ADAMTS12: variants seen among roughly 807,000 people sequenced by gnomAD.
The protein encoded by ADAMTS12 is A disintegrin and metalloproteinase with thrombospondin motifs 12.
A neutral mutation model predicts 167.8 loss-of-function variants in ADAMTS12; 118 were observed. That is an observed-to-expected ratio of 0.70 (90% CI 0.61 to 0.82). The LOEUF is 0.82. Among genes scored for constraint, ADAMTS12 ranks in the 40% least tolerant of loss-of-function variants. The pLI is 0.00. For missense variants in ADAMTS12, 1,916 were observed against 1,998.8 expected (o/e 0.96, Z 0.79); for synonymous variants, 704 against 716.9 (o/e 0.98, Z 0.29).
chr5:33,576,621 A>G lies in ADAMTS12; in HGVS notation c.3405T>C (p.Pro1135=). The change falls in exon 19 of 24, where the codon CCT becomes CCC. Residue 1135 remains proline, a synonymous_variant. Transcript: ENST00000504830. ...AAAATGGAGTCACAGGCCAAGTGAT[A>G]GGGTTGCGGGAAGATGACAAGCCAG... ...SGSGLSSSRN[P]ITWPVTPFYN... 1 of 1,614,212 alleles carries G rather than the reference A, an allele frequency of 6.2e-7. No homozygotes were observed. Among genetic ancestry groups the G allele is most frequent in the East Asian group, 2.2e-5 (1 of 44,882 alleles).
intron 2 of ADAMTS12, among the ~76,000 whole-genome samples, chr5:33,838,771 C>T (rs1054990172): frequency 3.3e-5 from 5 of 151,806 alleles, no homozygotes; most frequent in Admixed American, 6.6e-5. Flanking sequence ...AGAAGAGGAC[C>T]TGGGGAGGGA....
rs748467452 is a variant in ADAMTS12, at chr5:33,539,010, C to T, written c.4447-4018G>A. 3.9e-5 allele frequency among the ~76,000 whole-genome samples: 6 copies of T among 152,104 alleles called. No individual in the cohort carries two copies. The South Asian group carries it at 8.3e-4, about 21-fold the overall frequency. On this transcript the variant is annotated intron_variant, in intron 22 of 23. Coordinates refer to ENST00000504830, the MANE Select transcript of ADAMTS12 (RefSeq NM_030955.4). The stretch of plus-strand genomic sequence containing the variant: ...AGGCTGGAGTGCAGTGGTACAATCT[C>T]GGCTCACTGCAACCTCCACCTCTTG...
chr5:33,577,185 C>T, intron 18 of ADAMTS12, 25 bp from the exon 19 acceptor site: 1 of 1,613,772 alleles, frequency 6.2e-7, no homozygotes, highest in Middle Eastern at 1.7e-4. Flanking sequence ...CAGCTGTTAG[C>T]CTGGCGAGAG....
intron 23 of ADAMTS12, among the ~76,000 whole-genome samples, chr5:33,531,749 C>G (rs1422696872): frequency 6.6e-6 from 1 of 152,184 alleles, no homozygotes; most frequent in East Asian, 1.9e-4. Context: ...TCAACCAAGC[C>G]TGGAATCCTC....
intron 3 of ADAMTS12, among the ~76,000 whole-genome samples, chr5:33,701,103 T>C (rs1418269779): frequency 6.6e-6 from 1 of 152,128 alleles, no homozygotes; most frequent in Non-Finnish European, 1.5e-5. Flanking sequence ...AAAAACAGCA[T>C]ATACAATATA....
chr5:33,627,870 G>C (rs1462261700), intron 13 of ADAMTS12, among the ~76,000 whole-genome samples: 1 of 152,128 alleles, frequency 6.6e-6, no homozygotes, highest in Non-Finnish European at 1.5e-5. Context: ...AAATGAGTGA[G>C]GAAGCTAACT....
intron 2 of ADAMTS12, among the ~76,000 whole-genome samples, chr5:33,785,151 T>C (rs1746282090): frequency 6.6e-6 from 1 of 152,022 alleles, no homozygotes; most frequent in Non-Finnish European, 1.5e-5. Flanking sequence ...ACCTTTCTCA[T>C]ACCACTCCCA....
In ADAMTS12 at chr5:33,648,977, G is replaced by A. The variant is rs774085686; in HGVS notation, c.1335-11C>T. ...AACCCCCAGCCTCGGCTGAAAACAA[G>A]TTAACAGAAATGAGAGGAGTTGTTT... On this transcript the variant is annotated splice_polypyrimidine_tract_variant and intron_variant, in intron 8 of 23. Transcript: ENST00000504830. The A allele has an allele frequency of 4.0e-5, 64 of 1,612,910 alleles. No individual in the cohort carries two copies. The highest frequency in any genetic ancestry group is 5.3e-5 in the Non-Finnish European group (62 of 1,179,380).
intron 2 of ADAMTS12, among the ~76,000 whole-genome samples, chr5:33,810,145 A>G (rs1444738046): frequency 6.6e-6 from 1 of 152,172 alleles, no homozygotes; most frequent in Non-Finnish European, 1.5e-5. Context: ...TGGCCAAAAC[A>G]TAATGCATTT....
At chr5:33,785,704 TA>T (rs1241999590) in intron 2 of ADAMTS12, among the ~76,000 whole-genome samples, 4 of 152,202 alleles carry the variant, frequency 2.6e-5, no homozygotes, top group Non-Finnish European at 4.4e-5. Context: ...GAAACCCTTG[TA>T]TGTTGCTGTT....
chr5:33,602,140 G>A (rs993639892), intron 16 of ADAMTS12, among the ~76,000 whole-genome samples: 3 of 152,136 alleles, frequency 2.0e-5, no homozygotes, highest in Non-Finnish European at 2.9e-5. Flanking sequence ...AACCAACTGA[G>A]AAATTCCAGG....
chr5:33,690,275 A>G (rs779314471), intron 3 of ADAMTS12, among the ~76,000 whole-genome samples: 1 of 152,236 alleles, frequency 6.6e-6, no homozygotes, highest in Non-Finnish European at 1.5e-5. Context: ...AACTGAGAAC[A>G]AAAAATATTT....
At chr5:33,783,702 C>T (rs1332179309) in intron 2 of ADAMTS12, among the ~76,000 whole-genome samples, 2 of 151,754 alleles carry the variant, frequency 1.3e-5, no homozygotes, top group African/African-American at 4.8e-5. Flanking sequence ...GGTTAAAAAA[C>T]CAAATCAGTA....
chr5:33,668,395 T>C (rs971824898), intron 5 of ADAMTS12, among the ~76,000 whole-genome samples: 1 of 152,216 alleles, frequency 6.6e-6, no homozygotes. Context: ...AGGGGACACC[T>C]GTAATTGTGT....
intron 3 of ADAMTS12, among the ~76,000 whole-genome samples, chr5:33,701,372 C>T (rs375654810): frequency 6.6e-6 from 1 of 152,114 alleles, no homozygotes; most frequent in African/African-American, 2.4e-5. Flanking sequence ...GACTGCCTGG[C>T]TACTCTTTTC....
intron 20 of ADAMTS12, among the ~76,000 whole-genome samples, chr5:33,553,917 G>T (rs1232444174): frequency 6.6e-6 from 1 of 152,134 alleles, no homozygotes; most frequent in Non-Finnish European, 1.5e-5. Context: ...CAAAATTCAT[G>T]GGTCTGCCTG....
chr5:33,564,586 G>T (rs1302084861), intron 19 of ADAMTS12, among the ~76,000 whole-genome samples: 1 of 152,154 alleles, frequency 6.6e-6, no homozygotes, highest in Non-Finnish European at 1.5e-5. Context: ...AGAAGGGAGA[G>T]GCTGGAGGTA....
chr5:33,633,850 C>T (rs963031713), intron 12 of ADAMTS12, among the ~76,000 whole-genome samples: 6 of 152,122 alleles, frequency 3.9e-5, no homozygotes, highest in African/African-American at 1.4e-4. Flanking sequence ...CATTTACTCC[C>T]CTGCCCTGAC....
chr5:33,812,527 A>T (rs1160984002), intron 2 of ADAMTS12, among the ~76,000 whole-genome samples: 1 of 152,224 alleles, frequency 6.6e-6, no homozygotes, highest in Non-Finnish European at 1.5e-5. Flanking sequence ...CCTCTTGGTC[A>T]TCACCTATCC....
Sources: allele counts gnomAD v4.1 joint callset (sites outside exome capture counted in the v4.1 genomes callset), GRCh38; gene constraint gnomAD v4.1.1; transcripts MANE v1.5; gene names NCBI Gene and HGNC (gene_info 2026-07-23, HGNC 2026-07-21).